Variants in MAP2K3 observed in about 807,000 individuals in gnomAD.
The protein encoded by MAP2K3 is mitogen-activated protein kinase kinase 3.
In MAP2K3, 30 loss-of-function variants were observed where a neutral mutation model predicts 46.4. The observed-to-expected ratio is 0.65, with a 90% confidence interval of 0.48 to 0.88. The LOEUF (loss-of-function observed/expected upper bound fraction) is 0.88. MAP2K3 is among the 40% of genes least tolerant of loss of function. MAP2K3 has a pLI of 0.00. For synonymous variants in MAP2K3, 189 were observed against 176.3 expected (o/e 1.07, Z -0.57); for missense variants, 380 against 464.5 (o/e 0.82, Z 1.67).
At position 21,285,023 on chromosome 17, in the gene MAP2K3, G is replaced by A. The variant is rs1047395424; in HGVS notation, c.49+54G>A. The stretch of plus-strand genomic sequence containing the variant: ...TGACCCCGCGCCTAATCTGGGGCCG[G>A]GCTGCAAACCCCGACCTTTCTTTGG... On this transcript the variant is annotated intron_variant, in intron 1 of 11. Coordinates refer to ENST00000342679, the MANE Select transcript of MAP2K3 (RefSeq NM_145109.3). The A allele has an allele frequency of 3.8e-6, 6 of 1,576,168 alleles. No individual in the cohort carries two copies. In the African/African-American group the frequency reaches 8.1e-5, roughly 21 times the overall value.
chr17:21,306,188 C>G (rs367694363), intron 9 of MAP2K3, among the ~76,000 whole-genome samples: 1,727 of 152,342 alleles, frequency 0.011, 27 homozygotes, highest in African/African-American at 0.036. Flanking sequence ...CCCAACATCA[C>G]ACACCAGTTG....
chr17:21,299,180 G>A (rs959010611), intron 3 of MAP2K3, among the ~76,000 whole-genome samples: 1 of 152,290 alleles, frequency 6.6e-6, no homozygotes, highest in African/African-American at 2.4e-5. Flanking sequence ...AGGTTTCTGA[G>A]CTGAGAGCAA....
chr17:21,293,531 G>A (rs1421655015), intron 1 of MAP2K3, among the ~76,000 whole-genome samples: 4 of 152,308 alleles, frequency 2.6e-5, no homozygotes, highest in African/African-American at 4.8e-5. Context: ...ATGCTGGTCC[G>A]GAGCATCACC....
intron 1 of MAP2K3, 114 bp from the exon 2 acceptor site, chr17:21,298,299 T>C: frequency 1.0e-5 from 15 of 1,462,008 alleles, no homozygotes; most frequent in Middle Eastern, 1.7e-4. Flanking sequence ...GCTCCCGGCA[T>C]GGGTGATGGC....
At chr17:21,285,147 G>C in intron 1 of MAP2K3, 178 bp downstream of exon 1, 2 of 867,014 alleles carry the variant, frequency 2.3e-6, no homozygotes, top group Non-Finnish European at 2.8e-6. Context: ...GCCCTCACCT[G>C]GACCCCCACG....
At chr17:21,298,746 TG>T in intron 2 of MAP2K3, 131 bp from the exon 3 acceptor site, 4 of 1,340,994 alleles carry the variant, frequency 3.0e-6, no homozygotes, top group Non-Finnish European at 4.2e-6. Flanking sequence ...TGAGAGGAGG[TG>T]GCCGGAGAAG....
Position 21,284,714 on chromosome 17 carries a change from C to T in MAP2K3, c.-207C>T, listed in dbSNP as rs1416349313. On this transcript the variant is annotated 5_prime_UTR_variant, in exon 1 of 12. Transcript: ENST00000342679. ...CGGGGTCTCCCCGGCGCTGCCCAGT[C>T]TGTCTCCGGCGCCGCCCGTCGCGGA... is the stretch of plus-strand genomic sequence containing the variant. The T allele has an allele frequency of 4.1e-6, 2 of 491,372 alleles. No homozygotes were observed. Among genetic ancestry groups the T allele is most frequent in the Non-Finnish European group, 7.0e-6 (2 of 284,800 alleles). 30.4% of individuals were successfully genotyped at this position (491,372 alleles called of 1,614,324 possible).
At chr17:21,309,011 G>A (rs1047825068) in intron 9 of MAP2K3, among the ~76,000 whole-genome samples, 2 of 152,300 alleles carry the variant, frequency 1.3e-5, no homozygotes, top group African/African-American at 4.8e-5. Flanking sequence ...ACTGTGGCTG[G>A]GCTCAGCTGG....
rs201034216 is a variant in MAP2K3, at chr17:21,303,277, A to G, written c.568+43A>G. 3,113 of 1,611,718 alleles carry G rather than the reference A, an allele frequency of 1.9e-3. No individual in the cohort carries two copies. The African/African-American group carries it at 0.035, about 18-fold the overall frequency. ...ACCCAGGCACGGTGTAGCCAGTGGG[A>G]GGGATCCCAGGCCAAGGCGGGTGGA... On this transcript the variant is annotated intron_variant, in intron 7 of 11. Coordinates refer to ENST00000342679, the MANE Select transcript of MAP2K3 (RefSeq NM_145109.3).
intron 2 of MAP2K3, 112 bp from the exon 3 acceptor site, chr17:21,298,766 G>C: frequency 3.5e-6 from 5 of 1,431,270 alleles, no homozygotes; most frequent in South Asian, 1.2e-5. Flanking sequence ...AGGCGCCTCC[G>C]GGGCAGGAGG....
intron 4 of MAP2K3, 44 bp downstream of exon 4, chr17:21,300,702 G>T: frequency 6.3e-7 from 1 of 1,594,506 alleles, no homozygotes; most frequent in East Asian, 2.3e-5. Flanking sequence ...CCTGGAGGAG[G>T]CGGGCTGAGC....
At chr17:21,302,047 GGGGCT>G (rs2144589207) in intron 5 of MAP2K3, 91 bp from the exon 6 acceptor site, 4 of 1,065,012 alleles carry the variant, frequency 3.8e-6, no homozygotes, top group Non-Finnish European at 3.9e-6. Context: ...CGTCGGAGAG[GGGGCT>G]GGGGCTGGGG....
Position 21,289,595 on chromosome 17 carries a change from C to T in MAP2K3, c.49+4626C>T, listed in dbSNP as rs560719509. ...TGCCGTCCACGCCTGCCCTTGTCCG[C>T]GCCTCCTGGCGCTGCCCACCTCCAT... On this transcript the variant is annotated intron_variant, in intron 1 of 11. Coordinates refer to ENST00000342679, the MANE Select transcript of MAP2K3 (RefSeq NM_145109.3). Among the ~76,000 whole-genome samples, 254 of 152,302 alleles carry T rather than the reference C, an allele frequency of 1.7e-3. 3 individuals are homozygous for T. Among genetic ancestry groups the T allele is most frequent in the Non-Finnish European group, 1.5e-3 (103 of 68,008 alleles).
At chr17:21,307,951 G>A (rs1251893715) in intron 9 of MAP2K3, among the ~76,000 whole-genome samples, 13 of 150,254 alleles carry the variant, frequency 8.7e-5, no homozygotes, top group Non-Finnish European at 1.6e-4. Flanking sequence ...TGCCTCTCGC[G>A]TTCAGGCAAT....
At chr17:21,295,335 A>G (rs1425114137) in intron 1 of MAP2K3, among the ~76,000 whole-genome samples, 3 of 152,308 alleles carry the variant, frequency 2.0e-5, no homozygotes, top group African/African-American at 7.2e-5. Context: ...AATTCTGGTC[A>G]GTTTCAGTTT....
rs1244595791 is a variant in MAP2K3, at chr17:21,298,908, C to T, written c.147C>T (p.Phe49=). The change falls in exon 3 of 12, where the codon TTC becomes TTT. Residue 49 remains phenylalanine, a synonymous_variant. Coordinates refer to ENST00000342679, the MANE Select transcript of MAP2K3 (RefSeq NM_145109.3). ...TPPRNLDSRT[F]ITIGDRNFEV... ...CCCGGAACCTGGACTCCCGGACCTT[C>T]ATCACCATTGGAGACAGAGTAGGTG... 3.7e-6 allele frequency: 6 copies of T among 1,614,192 alleles called. No homozygotes were observed. Among genetic ancestry groups the T allele is most frequent in the Non-Finnish European group, 4.2e-6 (5 of 1,180,068 alleles).
intron 1 of MAP2K3, chr17:21,296,169 C>A (rs896517323): frequency 2.3e-6 from 3 of 1,289,632 alleles, no homozygotes; most frequent in Non-Finnish European, 3.0e-6. Flanking sequence ...GAGCACCTTG[C>A]AGACGTGATC....
intron 9 of MAP2K3, among the ~76,000 whole-genome samples, chr17:21,311,483 C>T (rs1034855484): frequency 1.3e-5 from 2 of 152,100 alleles, no homozygotes; most frequent in Non-Finnish European, 2.9e-5. Flanking sequence ...GCACATGTGG[C>T]CACACAGGCC....
chr17:21,298,950 CA>C (rs1281291026), intron 3 of MAP2K3, 24 bp downstream of exon 3: 2 of 1,613,466 alleles, frequency 1.2e-6, no homozygotes, highest in African/African-American at 2.7e-5. Context: ...GCCACCCCTG[CA>C]GGGCCTCTCA....
Sources: allele counts gnomAD v4.1 joint callset (sites outside exome capture counted in the v4.1 genomes callset), GRCh38; gene constraint gnomAD v4.1.1; transcripts MANE v1.5; gene names NCBI Gene and HGNC (gene_info 2026-07-23, HGNC 2026-07-21).